CEP41: variants seen among roughly 807,000 people sequenced by gnomAD.
The protein encoded by CEP41 is centrosomal protein of 41 kDa.
Under a neutral mutation model 44.3 loss-of-function variants are expected in CEP41, and 32 were observed. That is an observed-to-expected ratio of 0.72 (90% CI 0.54 to 0.97). The LOEUF (loss-of-function observed/expected upper bound fraction) is 0.97. Among genes scored for constraint, CEP41 ranks in the 50% least tolerant of loss-of-function variants. The pLI is 0.00. For missense variants in CEP41, 432 were observed against 455.2 expected (o/e 0.95, Z 0.46); for synonymous variants, 151 against 168.5 (o/e 0.90, Z 0.80).
intron 3 of CEP41, among the ~76,000 whole-genome samples, chr7:130,414,192 C>A (rs1196416041): frequency 6.6e-6 from 1 of 152,160 alleles, no homozygotes; most frequent in Admixed American, 6.5e-5. Context: ...TTAAAGAGAG[C>A]AATTTGGCTA....
At chr7:130,414,140 T>G (rs1396978607) in intron 3 of CEP41, among the ~76,000 whole-genome samples, 1 of 152,216 alleles carries the variant, frequency 6.6e-6, no homozygotes, top group Non-Finnish European at 1.5e-5. Flanking sequence ...ATATCAAGGC[T>G]TTTTAAAAAT....
In CEP41 at chr7:130,420,101, T is replaced by C; in HGVS notation, c.98-3135A>G. On this transcript the variant is annotated intron_variant, in intron 2 of 10. Transcript: ENST00000223208. The stretch of plus-strand genomic sequence containing the variant: ...CGTTGGGAGGCTGAGGAGGCAGGAT[T>C]GCTTGAGCCCAGGAGTTCCGGACCA... The C allele has an allele frequency of 4.1e-6, 4 of 981,378 alleles. No homozygotes were observed. In the South Asian group the frequency reaches 1.9e-4, roughly 46 times the overall value. 60.8% of individuals were successfully genotyped at this position (981,378 alleles called of 1,614,324 possible). A position where few individuals can be genotyped will look rare whatever the true frequency, so the allele number is the denominator to read the frequency against.
Position 130,407,258 on chromosome 7 carries a change from ACAC to A in CEP41, c.278-2553_278-2551del, listed in dbSNP as rs1562981646. On this transcript the variant is annotated intron_variant, in intron 5 of 10. Coordinates refer to ENST00000223208, the MANE Select transcript of CEP41 (RefSeq NM_018718.3). ...TTTAAAAAATAACAAGAGTAAACAC[ACAC>A]ACACACACACACACACACACACACA... Among the ~76,000 whole-genome samples the A allele has an allele frequency of 9.9e-3, 1,150 of 116,474 alleles. 11 individuals carry two copies. The highest frequency in any genetic ancestry group is 0.028 in the African/African-American group (786 of 28,246). The allele number at this position is 116,474 out of a possible 152,430, so 76.4% of individuals were successfully genotyped here.
rs1797169817 is a variant in CEP41, at chr7:130,411,138, C to T, written c.261G>A (p.Glu87=). 1.2e-6 allele frequency: 2 copies of T among 1,613,942 alleles called. No individual in the cohort carries two copies. The highest frequency in any genetic ancestry group is 1.7e-6 in the Non-Finnish European group (2 of 1,179,932). Residue 87 remains glutamate, a synonymous_variant, in exon 5 of 11, where the codon GAG becomes GAA. Transcript: ENST00000223208. ...SDQTLEVTAE[E]IQRLEDNDSA... The stretch of plus-strand genomic sequence containing the variant: ...TCTCATTACCTTCCAGCCTTTGAAT[C>T]TCCTCAGCTGTCACTTCCAGTGTTT...
chr7:130,418,651 G>A (rs1004962483), intron 2 of CEP41, among the ~76,000 whole-genome samples: 1 of 152,106 alleles, frequency 6.6e-6, no homozygotes, highest in Admixed American at 6.5e-5. Context: ...TTTGTCTGGT[G>A]GCATGGCAAG....
chr7:130,406,721 T>A (rs1378860344), intron 5 of CEP41, among the ~76,000 whole-genome samples: 1 of 150,636 alleles, frequency 6.6e-6, no homozygotes, highest in Non-Finnish European at 1.5e-5. Context: ...TGTGGTTAGA[T>A]AAAAGAAATG....
chr7:130,398,786 A>G lies in CEP41; in HGVS notation c.*105T>C, dbSNP rs782437379. 2 of 1,342,196 alleles carry G rather than the reference A, an allele frequency of 1.5e-6. No individual in the cohort carries two copies. Among genetic ancestry groups the G allele is most frequent in the Non-Finnish European group, 2.1e-6 (2 of 938,984 alleles). 83.1% of individuals were successfully genotyped at this position (1,342,196 alleles called of 1,614,324 possible). On this transcript the variant is annotated 3_prime_UTR_variant, in exon 11 of 11. Transcript: ENST00000223208. ...AAGAGGCCTATCCCATACATATGTC[A>G]TGGTCTTTCCTCTGCAGAAGTTTCT...
rs1554413376 is a variant in CEP41, at chr7:130,393,851, A to G, written c.*5040T>C. The G allele has an allele frequency of 2.2e-6, 1 of 454,132 alleles. No homozygotes were observed. The highest frequency in any genetic ancestry group is 4.4e-6 in the Non-Finnish European group (1 of 226,798). 28.1% of individuals were successfully genotyped at this position (454,132 alleles called of 1,614,324 possible). ...CTTTTTTCCCCCTACAATATAATTA[A>G]AAGTTTGTAATTCTCATTCCTTAAG... On this transcript the variant is annotated 3_prime_UTR_variant, in exon 11 of 11. Transcript: ENST00000223208.
At chr7:130,410,910 TGTAA>T (rs1797163184) in intron 5 of CEP41, 1 of 616,280 alleles carries the variant, frequency 1.6e-6, no homozygotes, top group Admixed American at 2.9e-5. Context: ...CATTTAAAAC[TGTAA>T]GTGTTAGAGT....
intron 5 of CEP41, among the ~76,000 whole-genome samples, chr7:130,408,543 A>G (rs1554418709): frequency 6.6e-6 from 1 of 152,212 alleles, no homozygotes; most frequent in Non-Finnish European, 1.5e-5. Context: ...ACTATTTTTC[A>G]TCTATTGAAC....
In CEP41 at chr7:130,397,489, T is replaced by A. The variant is rs1257605230; in HGVS notation, c.*1402A>T. 7 of 429,414 alleles carry A rather than the reference T, an allele frequency of 1.6e-5. No individual in the cohort carries two copies. In the East Asian group the frequency reaches 4.9e-4, roughly 30 times the overall value. The allele number at this position is 429,414 out of a possible 1,614,324, so 26.6% of individuals were successfully genotyped here. On this transcript the variant is annotated 3_prime_UTR_variant, in exon 11 of 11. Coordinates refer to ENST00000223208, the MANE Select transcript of CEP41 (RefSeq NM_018718.3). ...TCTCATACAAACACAGCCCCCATGCTAGAAATACTGTGGTGCATTTTTTTT... is the reference window on the plus strand; with the variant it reads ...TCTCATACAAACACAGCCCCCATGCAAGAAATACTGTGGTGCATTTTTTTT...
chr7:130,438,804 A>AT (rs1243776777), intron 1 of CEP41, among the ~76,000 whole-genome samples: 1 of 152,140 alleles, frequency 6.6e-6, no homozygotes, highest in Non-Finnish European at 1.5e-5. Context: ...CAATATTAAC[A>AT]TTTTTATTAA....
At position 130,411,152 on chromosome 7, in the gene CEP41, C is replaced by T. The variant is rs1554419609; in HGVS notation, c.247G>A (p.Val83Met). The T allele has an allele frequency of 6.2e-7, 1 of 1,614,142 alleles. No individual in the cohort carries two copies. The highest frequency in any genetic ancestry group is 1.7e-5 in the Admixed American group (1 of 60,022). ...AGCCTTTGAATCTCCTCAGCTGTCA[C>T]TTCCAGTGTTTGATCAGAGAGGGAA... ...VASLSDQTLE[V>M]TAEEIQRLED... Residue 83 changes from valine (V) to methionine (M), a missense_variant, in exon 5 of 11, where the codon GTG (valine) becomes ATG (methionine). Val to Met is a conservative substitution (Grantham distance 21, BLOSUM62 1). Transcript: ENST00000223208.
intron 2 of CEP41, among the ~76,000 whole-genome samples, chr7:130,418,106 C>CT (rs1319024133): frequency 4.3e-4 from 65 of 151,930 alleles, no homozygotes; most frequent in East Asian, 1.9e-4. Flanking sequence ...CTTTTCTTTT[C>CT]TTTTTTTTGG....
At chr7:130,407,107 A>G (rs568939886) in intron 5 of CEP41, among the ~76,000 whole-genome samples, 9 of 152,240 alleles carry the variant, frequency 5.9e-5, no homozygotes, top group South Asian at 2.1e-4. Flanking sequence ...GAAGACCTCA[A>G]TGAAGAGAGT....
At chr7:130,414,951 CTG>C (rs1236068108) in intron 3 of CEP41, among the ~76,000 whole-genome samples, 1 of 152,158 alleles carries the variant, frequency 6.6e-6, no homozygotes, top group Non-Finnish European at 1.5e-5. Context: ...GGTTCTAAGT[CTG>C]TCTCTCTCGA....
chr7:130,414,808 G>C (rs1797285477), intron 3 of CEP41, among the ~76,000 whole-genome samples: 1 of 152,250 alleles, frequency 6.6e-6, no homozygotes, highest in South Asian at 2.1e-4. Context: ...GGAAGGCTCT[G>C]TCAGTCTGTC....
At chr7:130,403,431 C>A (rs782746533) in intron 6 of CEP41, among the ~76,000 whole-genome samples, 1 of 152,158 alleles carries the variant, frequency 6.6e-6, no homozygotes, top group Non-Finnish European at 1.5e-5. Context: ...CTAACCACTA[C>A]CACTAACAGT....
Position 130,400,057 on chromosome 7 carries a change from C to A in CEP41, c.955G>T (p.Gly319Trp). The A allele has an allele frequency of 1.2e-6, 2 of 1,608,894 alleles. No individual in the cohort carries two copies. The highest frequency in any genetic ancestry group is 1.7e-6 in the Non-Finnish European group (2 of 1,176,556). ...KIEYYLEEEQ[G>W]PADHPSRLNQ... ...ATCTTACTAGGATGATCTGCAGGCC[C>A]TTGCTCCTCTTCCAGATAATATTCT... Residue 319 changes from glycine (G) to tryptophan (W), a missense_variant, in exon 10 of 11, where the codon GGG (glycine) becomes TGG (tryptophan). Physicochemically the swap from Gly to Trp is radical, Grantham distance 184 (BLOSUM62 -2). Transcript: ENST00000223208.
Sources: allele counts gnomAD v4.1 joint callset (sites outside exome capture counted in the v4.1 genomes callset), GRCh38; gene constraint gnomAD v4.1.1; transcripts MANE v1.5; gene names NCBI Gene and HGNC (gene_info 2026-07-23, HGNC 2026-07-21).